The following NRP2 variants were observed in gnomAD, a reference collection of about 807,000 sequenced individuals.
NRP2 encodes neuropilin 2, also known as neuropilin-2.
In NRP2, 52 loss-of-function variants were observed where a neutral mutation model predicts 110.4. That is an observed-to-expected ratio of 0.47 (90% CI 0.38 to 0.59). The LOEUF (loss-of-function observed/expected upper bound fraction) is 0.59, where lower values mean the gene tolerates loss of function less well. NRP2 is among the 20% of genes least tolerant of loss of function. The probability of loss-of-function intolerance (pLI) is 0.00; values close to 1 mark genes in which losing one functional copy is unlikely to be tolerated. For synonymous variants in NRP2, 508 were observed against 468.9 expected (o/e 1.08, Z -1.08); for missense variants, 1,049 against 1,203.0 (o/e 0.87, Z 1.89).
chr2:205,784,314 T>A (rs1025155663), intron 15 of NRP2, among the ~76,000 whole-genome samples: 1 of 152,218 alleles, frequency 6.6e-6, no homozygotes, highest in African/African-American at 2.4e-5. Flanking sequence ...GCCTGCTAGT[T>A]ATTGAAGCTT....
At chr2:205,786,675 G>A (rs1020230045) in intron 15 of NRP2, among the ~76,000 whole-genome samples, 4 of 152,202 alleles carry the variant, frequency 2.6e-5, no homozygotes, top group Admixed American at 2.6e-4. Flanking sequence ...AAATGTGGTA[G>A]GTTAAGTGGA....
chr2:205,748,746 G>A (rs1172917938), intron 10 of NRP2, among the ~76,000 whole-genome samples: 2 of 152,134 alleles, frequency 1.3e-5, no homozygotes, highest in African/African-American at 4.8e-5. Context: ...ACAGCTCTGG[G>A]ATGAAGACAC....
At chr2:205,776,304 C>G in intron 15 of NRP2, 8 of 1,613,246 alleles carry the variant, frequency 5.0e-6, no homozygotes, top group Non-Finnish European at 6.8e-6. Context: ...TGCAGCCCAT[C>G]CCAGCCTACT....
chr2:205,728,883 G>T (rs1390685870), intron 7 of NRP2, among the ~76,000 whole-genome samples: 1 of 152,244 alleles, frequency 6.6e-6, no homozygotes, highest in South Asian at 2.1e-4. Context: ...TGGTGCAGAG[G>T]TCTGGAAGGA....
At chr2:205,794,715 G>A (rs1397415745) in intron 16 of NRP2, 39 bp from the exon 17 acceptor site, 1 of 1,606,556 alleles carries the variant, frequency 6.2e-7, no homozygotes, top group Non-Finnish European at 8.5e-7. Flanking sequence ...CCTGACATAG[G>A]CAGTGCCTGC....
chr2:205,742,604 G>A (rs7609535), intron 8 of NRP2, among the ~76,000 whole-genome samples: 2,198 of 152,278 alleles, frequency 0.014, 52 homozygotes, highest in African/African-American at 0.05. Flanking sequence ...AGGATCCAAG[G>A]CAGTAAAGAG....
intron 3 of NRP2, among the ~76,000 whole-genome samples, chr2:205,721,206 G>A (rs1360716475): frequency 1.3e-5 from 2 of 152,162 alleles, no homozygotes; most frequent in Non-Finnish European, 2.9e-5. Context: ...TCAGATCAGT[G>A]TATTGACATC....
intron 12 of NRP2, chr2:205,760,999 C>T (rs1241863172): frequency 3.9e-5 from 6 of 152,068 alleles, no homozygotes; most frequent in Non-Finnish European, 7.4e-5. Context: ...TGGAAATTAC[C>T]GGAAGCGTGG....
intron 7 of NRP2, among the ~76,000 whole-genome samples, chr2:205,738,949 G>T (rs1313334074): frequency 6.6e-6 from 1 of 152,180 alleles, no homozygotes; most frequent in Non-Finnish European, 1.5e-5. Context: ...TCAGTGGTGT[G>T]TTATTAAATG....
chr2:205,708,609 C>A (rs1318774571), intron 2 of NRP2, among the ~76,000 whole-genome samples: 1 of 152,240 alleles, frequency 6.6e-6, no homozygotes, highest in African/African-American at 2.4e-5. Flanking sequence ...ACCATCATCG[C>A]AGGGCCTTTG....
intron 7 of NRP2, among the ~76,000 whole-genome samples, chr2:205,735,516 A>G (rs766608599): frequency 6.8e-6 from 1 of 146,336 alleles, no homozygotes; most frequent in Non-Finnish European, 1.5e-5. Context: ...TATAATATAT[A>G]GAATGAATAT....
intron 10 of NRP2, among the ~76,000 whole-genome samples, chr2:205,748,415 T>C (rs1034727441): frequency 2.0e-5 from 3 of 152,216 alleles, no homozygotes; most frequent in African/African-American, 7.2e-5. Context: ...ATAGTTTGCT[T>C]TACAATCGAG....
chr2:205,683,381 T>C lies in NRP2; in HGVS notation c.73+18T>C. 2 of 1,577,684 alleles carry C rather than the reference T, an allele frequency of 1.3e-6. No individual in the cohort carries two copies. Among genetic ancestry groups the C allele is most frequent in the Non-Finnish European group, 1.7e-6 (2 of 1,146,982 alleles). ...CCAACCAGGTAAGCCACTGAAAGTT[T>C]TTCTATTTATTGCAACATGGTTTCC... On this transcript the variant is annotated intron_variant, in intron 1 of 16. Coordinates refer to ENST00000357785, the MANE Select transcript of NRP2 (RefSeq NM_003872.3).
intron 2 of NRP2, among the ~76,000 whole-genome samples, chr2:205,710,632 C>T (rs910345428): frequency 7.2e-5 from 11 of 152,222 alleles, no homozygotes; most frequent in African/African-American, 2.7e-4. Flanking sequence ...GGCCTGGCTT[C>T]AGGCCTGAAC....
At chr2:205,764,774 G>C (rs2057886244) in intron 13 of NRP2, among the ~76,000 whole-genome samples, 1 of 152,190 alleles carries the variant, frequency 6.6e-6, no homozygotes, top group Non-Finnish European at 1.5e-5. Context: ...AAGGCATCCT[G>C]AGACCTTCCC....
chr2:205,766,460 A>C (rs535153913), intron 14 of NRP2, among the ~76,000 whole-genome samples: 1 of 152,254 alleles, frequency 6.6e-6, no homozygotes, highest in Admixed American at 6.5e-5. Flanking sequence ...GGCCCCAGGC[A>C]TCTAAAAGTA....
intron 12 of NRP2, chr2:205,760,943 C>G (rs559375700): frequency 6.6e-6 from 1 of 152,304 alleles, no homozygotes; most frequent in African/African-American, 2.4e-5. Context: ...TAATAAATCT[C>G]TAAAATCTGG....
chr2:205,750,252 C>T (rs899153679), intron 11 of NRP2, among the ~76,000 whole-genome samples: 5 of 152,204 alleles, frequency 3.3e-5, no homozygotes, highest in African/African-American at 9.7e-5. Context: ...AGTGAAGATA[C>T]GGCAGTCATC....
At chr2:205,692,914 A>G (rs909416230) in intron 1 of NRP2, among the ~76,000 whole-genome samples, 2 of 152,220 alleles carry the variant, frequency 1.3e-5, no homozygotes, top group African/African-American at 4.8e-5. Context: ...TAGATGAGAA[A>G]ACAAAGGCTC....
Sources: allele counts gnomAD v4.1 joint callset (sites outside exome capture counted in the v4.1 genomes callset), GRCh38; gene constraint gnomAD v4.1.1; transcripts MANE v1.5; gene names NCBI Gene and HGNC (gene_info 2026-07-23, HGNC 2026-07-21).